CRYM: variants seen among roughly 807,000 people sequenced by gnomAD.
The protein encoded by CRYM is ketimine reductase mu-crystallin.
CRYM carries 18 observed loss-of-function variants against 32.9 expected under a neutral mutation model. That is an observed-to-expected ratio of 0.55 (90% CI 0.38 to 0.81). The LOEUF is 0.81. CRYM is among the 30% of genes least tolerant of loss of function. The probability of loss-of-function intolerance (pLI) is 0.00; values close to 1 mark genes in which losing one functional copy is unlikely to be tolerated. For synonymous variants in CRYM, 153 were observed against 152.4 expected, an observed-to-expected ratio of 1.00 and a Z score of -0.03; for missense variants, 337 against 393.5, an observed-to-expected ratio of 0.86 and a Z score of 1.21.
intron 5 of CRYM, among the ~76,000 whole-genome samples, chr16:21,266,872 T>G (rs2093364733): frequency 6.6e-6 from 1 of 151,828 alleles, no homozygotes; most frequent in Non-Finnish European, 1.5e-5. Context: ...CTGGGCATGG[T>G]GGCACATGCC....
intron 1 of CRYM, among the ~76,000 whole-genome samples, chr16:21,291,859 C>T (rs1383963900): frequency 6.6e-6 from 1 of 152,022 alleles, no homozygotes; most frequent in Non-Finnish European, 1.5e-5. Flanking sequence ...TTGTCCCAGA[C>T]TATGGCCTTT....
chr16:21,272,075 C>G (rs1324132641), intron 3 of CRYM, among the ~76,000 whole-genome samples: 1 of 150,512 alleles, frequency 6.6e-6, no homozygotes, highest in East Asian at 1.9e-4. Flanking sequence ...GTTGGCCAGG[C>G]TGGTCTCGAA....
intron 3 of CRYM, among the ~76,000 whole-genome samples, chr16:21,270,404 C>T (rs1009299886): frequency 5.3e-5 from 8 of 152,140 alleles, no homozygotes; most frequent in African/African-American, 1.9e-4. Flanking sequence ...CTACCTCAGC[C>T]CCCCGTGGAG....
In CRYM at chr16:21,258,817, G is replaced by T; in HGVS notation, c.909C>A (p.Ala303=). ...ATGACCAGGAATCATAGATGAGTTT[G>T]GCTGCAACTGTGTCTTCCACTGCCA... The part of the protein sequence containing the change: ...LGMAVEDTVA[A]KLIYDSWSSG... Residue 303 remains alanine, a synonymous_variant, in exon 8 of 8, where the codon GCC becomes GCA. Transcript: ENST00000572914. 6.2e-7 allele frequency: 1 copy of T among 1,614,168 alleles called. No individual in the cohort carries two copies. The highest frequency in any genetic ancestry group is 8.5e-7 in the Non-Finnish European group (1 of 1,180,022).
chr16:21,294,026 G>T (rs1245374632), intron 1 of CRYM, among the ~76,000 whole-genome samples: 1 of 152,276 alleles, frequency 6.6e-6, no homozygotes, highest in East Asian at 1.9e-4. Context: ...CAGCAAAAAG[G>T]TAGAATACGC....
upstream of CRYM, among the ~76,000 whole-genome samples, chr16:21,282,357 G>C (rs1166596233): frequency 2.6e-5 from 4 of 152,066 alleles, no homozygotes; most frequent in Admixed American, 2.0e-4. Flanking sequence ...GTGCTTCCCA[G>C]CATAGGATCC....
intron 6 of CRYM, chr16:21,261,615 G>C: frequency 1.9e-6 from 1 of 533,018 alleles, no homozygotes; most frequent in Non-Finnish European, 3.4e-6. Context: ...TGTCAGTGAG[G>C]AAATAGACAT....
intron 3 of CRYM, among the ~76,000 whole-genome samples, chr16:21,270,916 G>T (rs2093374058): frequency 6.6e-6 from 1 of 152,166 alleles, no homozygotes; most frequent in Non-Finnish European, 1.5e-5. Context: ...CCTCTCCAAT[G>T]AAGCCTTTCT....
intron 1 of CRYM, among the ~76,000 whole-genome samples, chr16:21,294,555 A>G (rs1272965409): frequency 2.0e-5 from 3 of 151,602 alleles, no homozygotes; most frequent in South Asian, 4.2e-4. Flanking sequence ...CCCTGTGCCC[A>G]TGTGTTCTCA....
chr16:21,258,894 T>G (rs751510353), intron 7 of CRYM, 49 bp from the exon 8 acceptor site: 2 of 1,530,594 alleles, frequency 1.3e-6, no homozygotes, highest in Non-Finnish European at 1.8e-6. Context: ...CAACTTTTCT[T>G]GAAACAACCC....
chr16:21,292,368 T>A (rs1390147561), intron 1 of CRYM, among the ~76,000 whole-genome samples: 2 of 152,136 alleles, frequency 1.3e-5, no homozygotes, highest in Non-Finnish European at 2.9e-5. Flanking sequence ...TTAAAAAAGA[T>A]GTGCAGTACC....
At chr16:21,264,746 G>A (rs1403877404) in intron 5 of CRYM, among the ~76,000 whole-genome samples, 12 of 152,116 alleles carry the variant, frequency 7.9e-5, no homozygotes, top group South Asian at 2.1e-4. Context: ...GTGAGAGAGG[G>A]ATCCAACATA....
At chr16:21,286,239 A>G (rs1436633772) in intron 1 of CRYM, among the ~76,000 whole-genome samples, 21 of 149,646 alleles carry the variant, frequency 1.4e-4, no homozygotes, top group Non-Finnish European at 1.5e-5. Flanking sequence ...TTTTTTTGAG[A>G]CAGAGTCTCA....
At chr16:21,296,809 G>A (rs1212669321) in intron 1 of CRYM, among the ~76,000 whole-genome samples, 1 of 151,024 alleles carries the variant, frequency 6.6e-6, no homozygotes, top group Admixed American at 6.6e-5. Flanking sequence ...AGGAGATCGA[G>A]ACCATCCTGG....
chr16:21,261,519 C>A, intron 6 of CRYM, 181 bp from the exon 7 acceptor site: 1 of 623,940 alleles, frequency 1.6e-6, no homozygotes. Context: ...GCCCCGAAAT[C>A]CTTTTGGGGT....
chr16:21,262,025 G>A lies in CRYM; in HGVS notation c.795+12C>T, dbSNP rs1364957613. ...CAGGTGGCAGCCCTGACTGGGGTCAGAAGGGCCTCACCCCTGACAGCAGGA... is the reference window on the plus strand; with the variant it reads ...CAGGTGGCAGCCCTGACTGGGGTCAAAAGGGCCTCACCCCTGACAGCAGGA... On this transcript the variant is annotated intron_variant, in intron 6 of 7. Transcript: ENST00000572914. 1.9e-6 allele frequency: 3 copies of A among 1,613,764 alleles called. No homozygotes were observed. In the South Asian group the frequency reaches 3.3e-5, roughly 18 times the overall value.
chr16:21,272,816 ATTTTTTTTTT>A (rs60416570), intron 3 of CRYM, among the ~76,000 whole-genome samples: 31 of 42,320 alleles, frequency 7.3e-4, no homozygotes, highest in Non-Finnish European at 9.2e-4. Flanking sequence ...TGCCCAGCTA[ATTTTTTTTTT>A]TTTTTTTTTT....
chr16:21,288,977 A>T (rs1191351774), intron 1 of CRYM, among the ~76,000 whole-genome samples: 1 of 152,034 alleles, frequency 6.6e-6, no homozygotes, highest in Non-Finnish European at 1.5e-5. Flanking sequence ...TCAGTTTTTT[A>T]TAATTTATTA....
intron 5 of CRYM, among the ~76,000 whole-genome samples, chr16:21,265,373 T>C (rs1170065488): frequency 6.6e-6 from 1 of 152,184 alleles, no homozygotes; most frequent in Non-Finnish European, 1.5e-5. Flanking sequence ...TTCCTCCTCA[T>C]TCAGGTCACA....
Sources: allele counts gnomAD v4.1 joint callset (sites outside exome capture counted in the v4.1 genomes callset), GRCh38; gene constraint gnomAD v4.1.1; transcripts MANE v1.5; gene names NCBI Gene and HGNC (gene_info 2026-07-23, HGNC 2026-07-21).